VASH2: variants seen among roughly 807,000 people sequenced by gnomAD.
VASH2 encodes the protein vasohibin 2.
Under a neutral mutation model 37.2 loss-of-function variants are expected in VASH2, and 28 were observed. The observed-to-expected ratio is 0.75, with a 90% CI of 0.56 to 1.03. VASH2 has a LOEUF of 1.03. Ranked by LOEUF, VASH2 falls within the 50% of genes least tolerant of loss-of-function variation. VASH2 has a pLI of 0.00. For missense variants in VASH2, 419 were observed against 459.1 expected (o/e 0.91, Z 0.80); for synonymous variants, 188 against 174.7 (o/e 1.08, Z -0.60).
At chr1:212,985,002 C>G (rs772316379) in intron 7 of VASH2, among the ~76,000 whole-genome samples, 22 of 152,208 alleles carry the variant, frequency 1.4e-4, no homozygotes, top group Non-Finnish European at 3.1e-4. Flanking sequence ...TAGGTGTAAG[C>G]TGTAGCTTAA....
At chr1:212,970,554 C>T (rs938953369) in intron 5 of VASH2, among the ~76,000 whole-genome samples, 1 of 151,520 alleles carries the variant, frequency 6.6e-6, no homozygotes, top group Admixed American at 6.6e-5. Context: ...TTTAAGTGCA[C>T]AGTTCAGTGA....
chr1:212,984,276 CAAA>C (rs968850317), intron 7 of VASH2, among the ~76,000 whole-genome samples: 10 of 152,104 alleles, frequency 6.6e-5, no homozygotes, highest in African/African-American at 2.4e-4. Context: ...ACACAAACTA[CAAA>C]AAATTTATGG....
intron 2 of VASH2, among the ~76,000 whole-genome samples, chr1:212,956,320 TCC>T (rs1666488455): frequency 9.9e-5 from 15 of 151,894 alleles, no homozygotes; most frequent in Non-Finnish European, 1.5e-5. Context: ...CTCCACTCCC[TCC>T]TCCTGCCCCC....
intron 5 of VASH2, chr1:212,967,545 A>G: frequency 1.4e-6 from 1 of 719,736 alleles, no homozygotes; most frequent in Admixed American, 4.2e-5. Context: ...CCAAAAGGCA[A>G]TGGGCAACCC....
rs1268685836 is a variant in VASH2, at chr1:212,966,262, A to G, written c.423-9A>G. On this transcript the variant is annotated splice_polypyrimidine_tract_variant and intron_variant, in intron 4 of 7. Coordinates refer to ENST00000517399, the MANE Select transcript of VASH2 (RefSeq NM_001301056.2). Reference sequence around the variant, plus strand: ...GTTCTGAGATCCTCTGCTGTGCTCTATCCTACAGGTTAATGGAAACAGCAA... The same window carrying G: ...GTTCTGAGATCCTCTGCTGTGCTCTGTCCTACAGGTTAATGGAAACAGCAA... The G allele has an allele frequency of 6.4e-7, 1 of 1,551,350 alleles. No individual in the cohort carries two copies. The highest frequency in any genetic ancestry group is 8.7e-7 in the Non-Finnish European group (1 of 1,146,714).
intron 2 of VASH2, among the ~76,000 whole-genome samples, chr1:212,958,382 A>G (rs1191318578): frequency 6.6e-6 from 1 of 152,086 alleles, no homozygotes; most frequent in Non-Finnish European, 1.5e-5. Context: ...CAGCTCCTGC[A>G]CTCTGCTTAC....
chr1:212,971,812 G>A lies in VASH2; in HGVS notation c.498-768G>A, dbSNP rs977477970. Among the ~76,000 whole-genome samples, 1 of 152,080 alleles carries A rather than the reference G, an allele frequency of 6.6e-6. No homozygotes were observed. Reference sequence around the variant, plus strand: ...CTGGCACCGAGAGCAGCCCTTTTAAGTGTAAGGCAGTGCACATCCACAATC... The same window carrying A: ...CTGGCACCGAGAGCAGCCCTTTTAAATGTAAGGCAGTGCACATCCACAATC... On this transcript the variant is annotated intron_variant, in intron 5 of 7. Coordinates refer to ENST00000517399, the MANE Select transcript of VASH2 (RefSeq NM_001301056.2). The surrounding 1 kb of genome is among the most constrained non-coding windows in gnomAD (Gnocchi z 4.0).
Position 212,988,616 on chromosome 1 carries a change from G to A in VASH2, c.*32G>A. 1.2e-6 allele frequency: 2 copies of A among 1,609,168 alleles called. No homozygotes were observed. Among genetic ancestry groups the A allele is most frequent in the South Asian group, 2.2e-5 (2 of 90,942 alleles). ...CATACCGGCCAGCAAGAGGGTTTCTGTGGTGCTTCTCTCTGCACTTTACCC... is the reference window on the plus strand; with the variant it reads ...CATACCGGCCAGCAAGAGGGTTTCTATGGTGCTTCTCTCTGCACTTTACCC... On this transcript the variant is annotated 3_prime_UTR_variant, in exon 8 of 8. Coordinates refer to ENST00000517399, the MANE Select transcript of VASH2 (RefSeq NM_001301056.2).
intron 3 of VASH2, 120 bp from the exon 4 acceptor site, chr1:212,965,602 C>A: frequency 1.2e-6 from 1 of 861,710 alleles, no homozygotes. Flanking sequence ...TGGGTGCTGG[C>A]GACTTCTGAA....
rs1396220330 is a variant in VASH2, at chr1:212,990,532, T to A, written c.*1948T>A. 5 of 152,218 alleles carry A rather than the reference T, an allele frequency of 3.3e-5. No individual in the cohort carries two copies. 9.4% of individuals were successfully genotyped at this position (152,218 alleles called of 1,614,324 possible). A position where few individuals can be genotyped will look rare whatever the true frequency, so the allele number is the denominator to read the frequency against. On this transcript the variant is annotated 3_prime_UTR_variant, in exon 8 of 8. Transcript: ENST00000517399. ...AGACCTCTTATAACACTGCAACCAT[T>A]CTAAGAGTTGGAATTTATTTTTGCC...
intron 6 of VASH2, chr1:212,973,277 G>C (rs1414569312): frequency 1.7e-5 from 16 of 918,928 alleles, no homozygotes; most frequent in Non-Finnish European, 2.3e-5. Flanking sequence ...TGGAACTGCG[G>C]GTTTTCCCAG....
At chr1:212,986,212 T>C (rs531751776) in intron 7 of VASH2, among the ~76,000 whole-genome samples, 1 of 152,330 alleles carries the variant, frequency 6.6e-6, no homozygotes, top group Non-Finnish European at 1.5e-5. Context: ...AAGGAATGCA[T>C]AGGTACTGCA....
chr1:212,987,182 A>G (rs1667503961), intron 7 of VASH2, among the ~76,000 whole-genome samples: 1 of 149,822 alleles, frequency 6.7e-6, no homozygotes, highest in East Asian at 1.9e-4. Flanking sequence ...ATGCCAGGGA[A>G]AAACCATTAG....
chr1:212,966,914 T>A (rs1191675970), intron 5 of VASH2: 1 of 377,730 alleles, frequency 2.6e-6, no homozygotes, highest in Non-Finnish European at 5.1e-6. Context: ...TGTTTGTTTG[T>A]ATTTTTGGTA....
intron 6 of VASH2, 132 bp from the exon 7 acceptor site, chr1:212,973,823 G>T: frequency 7.0e-7 from 1 of 1,430,352 alleles, no homozygotes; most frequent in Non-Finnish European, 9.2e-7. Flanking sequence ...TTTTTTAGAA[G>T]TCTTCCTGCT....
chr1:212,957,365 C>T (rs1000441184), intron 2 of VASH2, among the ~76,000 whole-genome samples: 2 of 152,166 alleles, frequency 1.3e-5, no homozygotes, highest in Non-Finnish European at 1.5e-5. Context: ...TTTCTTGTCA[C>T]TTTGCATGAG....
In VASH2 at chr1:212,988,727, G is replaced by A; in HGVS notation, c.*143G>A. Reference sequence around the variant, plus strand: ...TTCACCTGGAAATAGAATCTGAGTGGGTGGTAACCATTAGCTTTAAAAAAT... The same window carrying A: ...TTCACCTGGAAATAGAATCTGAGTGAGTGGTAACCATTAGCTTTAAAAAAT... On this transcript the variant is annotated 3_prime_UTR_variant, in exon 8 of 8. Coordinates refer to ENST00000517399, the MANE Select transcript of VASH2 (RefSeq NM_001301056.2). 1 of 900,744 alleles carries A rather than the reference G, an allele frequency of 1.1e-6. No homozygotes were observed. The highest frequency in any genetic ancestry group is 1.6e-5 in the South Asian group (1 of 64,024). 55.8% of individuals were successfully genotyped at this position (900,744 alleles called of 1,614,324 possible).
chr1:212,973,868 TG>T, intron 6 of VASH2, 86 bp from the exon 7 acceptor site: 5 of 1,515,852 alleles, frequency 3.3e-6, no homozygotes, highest in Non-Finnish European at 3.5e-6. Flanking sequence ...ATGATTGGGC[TG>T]GGGGGTGGAA....
rs560327650 is a variant in VASH2, at chr1:212,953,344, G to A, written c.276+1526G>A. On this transcript the variant is annotated intron_variant, in intron 2 of 7. Transcript: ENST00000517399. ...TTTCTGAAGACCTCTTGGGAATGGG[G>A]AGCTTGCTGCTTCCCAGGGCAGCTG... is the stretch of plus-strand genomic sequence containing the variant. Among the ~76,000 whole-genome samples, 13 of 152,250 alleles carry A rather than the reference G, an allele frequency of 8.5e-5. No individual in the cohort carries two copies. The East Asian group carries it at 2.5e-3, about 29-fold the overall frequency.
Sources: allele counts gnomAD v4.1 joint callset (sites outside exome capture counted in the v4.1 genomes callset), GRCh38; gene constraint gnomAD v4.1.1; non-coding constraint Gnocchi (gnomAD v3.1); transcripts MANE v1.5; gene names NCBI Gene and HGNC (gene_info 2026-07-23, HGNC 2026-07-21).